PHKA2: variants seen among roughly 807,000 people sequenced by gnomAD.
The protein encoded by PHKA2 is phosphorylase kinase regulatory subunit alpha 2, also known as phosphorylase b kinase regulatory subunit alpha, liver isoform.
Under a neutral mutation model 102.0 loss-of-function variants are expected in PHKA2, and 31 were observed. The ratio of observed to expected loss-of-function variants is 0.30; its 90% CI spans 0.23 to 0.41. The LOEUF (loss-of-function observed/expected upper bound fraction) is 0.41. Ranked by LOEUF, PHKA2 falls within the 10% of genes least tolerant of loss-of-function variation. PHKA2 has a pLI of 1.00. For synonymous variants in PHKA2, 455 were observed against 416.2 expected (o/e 1.09, Z -1.13); for missense variants, 858 against 1,023.1 (o/e 0.84, Z 2.20).
chrX:18,941,724 C>G, intron 7 of PHKA2, 49 bp from the exon 8 acceptor site: 2 of 930,098 alleles, frequency 2.2e-6, no homozygotes, highest in South Asian at 3.9e-5. Context: ...CGCTAATAGG[C>G]GCAGTATCTA....
intron 1 of PHKA2, among the ~76,000 whole-genome samples, chrX:18,954,699 G>A (rs1019189761): frequency 1.8e-5 from 2 of 112,868 alleles, no homozygotes; most frequent in Admixed American, 9.3e-5. Context: ...ACTGTTGTAA[G>A]TGGTAAAACA....
At chrX:18,967,435 GGA>G (rs1033434337) in intron 1 of PHKA2, among the ~76,000 whole-genome samples, 23 of 111,093 alleles carry the variant, frequency 2.1e-4, no homozygotes, top group African/African-American at 7.2e-4. Context: ...ACTTTGGAGA[GGA>G]GAGTCTGAAA....
At chrX:18,912,424 CTG>C (rs1445264316) in intron 19 of PHKA2, among the ~76,000 whole-genome samples, 2 of 111,338 alleles carry the variant, frequency 1.8e-5, no homozygotes, top group East Asian at 5.7e-4. Flanking sequence ...CTGTAGGTAA[CTG>C]TAACACAATA....
At chrX:18,905,932 G>C (rs765905078) in intron 25 of PHKA2, 73 bp from the exon 26 acceptor site, 1 of 714,242 alleles carries the variant, frequency 1.4e-6, no homozygotes, top group Admixed American at 2.3e-5. Flanking sequence ...AGGTGGACGT[G>C]GGTGGGGAGG....
At chrX:18,923,915 G>T in intron 17 of PHKA2, 141 bp downstream of exon 17, 2 of 532,950 alleles carry the variant, frequency 3.8e-6, no homozygotes, top group Non-Finnish European at 6.7e-6. Flanking sequence ...GACTGGATTA[G>T]AGAAGTGTTA....
chrX:18,965,238 G>A (rs759436810), intron 1 of PHKA2, among the ~76,000 whole-genome samples: 1 of 111,372 alleles, frequency 9.0e-6, no homozygotes, highest in Non-Finnish European at 1.9e-5. Flanking sequence ...TCACTAATTC[G>A]TGTAGTAAGG....
chrX:18,920,086 T>G lies in PHKA2; in HGVS notation c.1909A>C (p.Ser637Arg). 1 of 1,197,187 alleles carries G rather than the reference T, an allele frequency of 8.4e-7. No individual in the cohort carries two copies. The highest frequency in any genetic ancestry group is 1.8e-5 in the South Asian group (1 of 56,697). ...ACCAAATCTGAATCACTATCAGGAC[T>G]GAAAGTCCCTTCGCTGGCATTGTCA... is the stretch of plus-strand genomic sequence containing the variant. ...LFDNASEGTF[S>R]PDSDSDLVGY... Residue 637 changes from serine (S) to arginine (R), a missense_variant, in exon 18 of 33, where the codon AGT (serine) becomes CGT (arginine). Transcript: ENST00000379942.
intron 1 of PHKA2, among the ~76,000 whole-genome samples, chrX:18,967,403 G>C (rs990553041): frequency 9.0e-6 from 1 of 111,151 alleles, no homozygotes; most frequent in Admixed American, 9.6e-5. Context: ...GTAGTCTGGT[G>C]CCTGATGGAA....
intron 17 of PHKA2, 109 bp downstream of exon 17, chrX:18,923,947 T>C: frequency 1.7e-6 from 1 of 599,525 alleles, no homozygotes; most frequent in East Asian, 3.2e-5. Context: ...ACTCTAAAAC[T>C]GCATGCTTTT....
chrX:18,936,201 G>A (rs759778923), intron 10 of PHKA2, 51 bp from the exon 11 acceptor site: 3 of 847,123 alleles, frequency 3.5e-6, no homozygotes, highest in South Asian at 4.2e-5. Context: ...GGTCATGATT[G>A]CTGTAACAGC....
chrX:18,931,706 G>A lies in PHKA2; in HGVS notation c.1180C>T (p.Pro394Ser), dbSNP rs775413778. 1 of 1,201,933 alleles carries A rather than the reference G, an allele frequency of 8.3e-7. No homozygotes were observed. The highest frequency in any genetic ancestry group is 1.1e-6 in the Non-Finnish European group (1 of 887,951). ...CACAGATGAGGCACCTTCCCCATAG[G>A]AACTCGGTCTACTGTGTGAGGATTC... ...YKNPHTVDRV[P>S]MGKVPHLWGQ... The change falls in exon 12 of 33, where the codon CCT becomes TCT. Residue 394 changes from proline to serine, a missense_variant. Transcript: ENST00000379942.
At chrX:18,963,258 G>A (rs1396050384) in intron 1 of PHKA2, among the ~76,000 whole-genome samples, 1 of 112,456 alleles carries the variant, frequency 8.9e-6, no homozygotes, top group Non-Finnish European at 1.9e-5. Flanking sequence ...ATCTGGGCAC[G>A]GTTGAGAGAT....
At position 18,897,330 on chromosome X, in the gene PHKA2, A is replaced by C. The variant is rs780229429; in HGVS notation, c.3115T>G (p.Ser1039Ala). The C allele has an allele frequency of 8.3e-7, 1 of 1,206,243 alleles. No individual in the cohort carries two copies. The change falls in exon 30 of 33, where the codon TCC becomes GCC. Residue 1039 changes from serine to alanine, a missense_variant. This residue lies in a region of PHKA2 where 671 missense variants were observed against 745.2 expected (regional missense o/e 0.90). Transcript: ENST00000379942. ...CCAGTGGGCGAGGATGGGGTGCTGG[A>C]CCTCTGCAAGACAGACAGCTTGGGG... ...SSAHSSKSAR[S>A]STPSSPTGTS... is the part of the protein sequence containing the mutation.
At chrX:18,974,303 T>C (rs1309739404) in intron 1 of PHKA2, among the ~76,000 whole-genome samples, 3 of 111,602 alleles carry the variant, frequency 2.7e-5, no homozygotes, top group Non-Finnish European at 5.6e-5. Flanking sequence ...CTTCAGTTTC[T>C]GTCCTTCCCT....
intron 29 of PHKA2, among the ~76,000 whole-genome samples, chrX:18,898,333 G>C (rs2047612821): frequency 1.8e-5 from 2 of 112,829 alleles, no homozygotes; most frequent in Admixed American, 1.9e-4. Context: ...TCTGTGAGTG[G>C]GGGCGCATCC....
intron 1 of PHKA2, among the ~76,000 whole-genome samples, chrX:18,978,626 T>G (rs2049126134): frequency 1.8e-5 from 2 of 110,603 alleles, no homozygotes; most frequent in Admixed American, 1.9e-4. Flanking sequence ...GGCAGGAGAA[T>G]CGCTTGAACC....
chrX:18,971,143 T>G (rs2049012617), intron 1 of PHKA2, among the ~76,000 whole-genome samples: 1 of 112,391 alleles, frequency 8.9e-6, no homozygotes, highest in Admixed American at 9.4e-5. Context: ...GAAATTTGGG[T>G]TTTGTTTGTC....
intron 8 of PHKA2, among the ~76,000 whole-genome samples, chrX:18,940,484 A>G (rs2048473912): frequency 8.9e-6 from 1 of 111,851 alleles, no homozygotes; most frequent in African/African-American, 3.2e-5. Flanking sequence ...AGGAGGCTCT[A>G]AGGTCAGATG....
In PHKA2 at chrX:18,944,936, A is replaced by T. The variant is rs1294806672; in HGVS notation, c.618+142T>A. 9 of 527,394 alleles carry T rather than the reference A, an allele frequency of 1.7e-5. No homozygotes were observed. The East Asian group carries it at 2.8e-4, about 16-fold the overall frequency. The allele number at this position is 527,394 out of a possible 1,213,427, so 43.5% of individuals were successfully genotyped here. A position where few individuals can be genotyped will look rare whatever the true frequency, so the allele number is the denominator to read the frequency against. ...ACCTAGAATTTCAGGTGGCTGGGGT[A>T]ACTGTGCCACTTGAATTTCACATCC... On this transcript the variant is annotated intron_variant, in intron 6 of 32. Transcript: ENST00000379942.
Sources: gnomAD v4.1 joint callset for allele counts (sites outside exome capture counted in the v4.1 genomes callset) on GRCh38, gnomAD v4.1.1 for gene constraint, gnomAD v4.1.1 regional missense constraint, MANE v1.5 for transcripts, NCBI Gene and HGNC (gene_info 2026-07-23, HGNC 2026-07-21) for gene names.